The following GLIS3 variants were observed in gnomAD, a reference collection of about 807,000 sequenced individuals.
The protein encoded by GLIS3 is zinc finger protein GLIS3.
GLIS3 carries 53 observed loss-of-function variants against 78.6 expected under a neutral mutation model. The observed-to-expected ratio is 0.67, with a 90% CI of 0.54 to 0.85. GLIS3 has a LOEUF of 0.85. Ranked by LOEUF, GLIS3 falls within the 40% of genes least tolerant of loss-of-function variation. The probability of loss-of-function intolerance (pLI) is 0.00; values close to 1 mark genes in which losing one functional copy is unlikely to be tolerated. For missense variants in GLIS3, 1,703 were observed against 1,231.1 expected, an observed-to-expected ratio of 1.38 and a Z score of -5.74; for synonymous variants, 684 against 509.9, an observed-to-expected ratio of 1.34 and a Z score of -4.60.
At chr9:3,896,119 T>G (rs1230418125) in intron 7 of GLIS3, among the ~76,000 whole-genome samples, 1 of 152,228 alleles carries the variant, frequency 6.6e-6, no homozygotes, top group African/African-American at 2.4e-5. Flanking sequence ...TTTGCACCTT[T>G]GGCATTTTTC....
At chr9:4,230,336 A>C (rs1445567082) in intron 2 of GLIS3, among the ~76,000 whole-genome samples, 1 of 152,200 alleles carries the variant, frequency 6.6e-6, no homozygotes, top group East Asian at 1.9e-4. Flanking sequence ...GCAACAGAGA[A>C]CTGGACTTGC....
At chr9:4,469,004 G>T in the GLIS3 span, among the ~76,000 whole-genome samples, 1 of 152,188 alleles carries the variant, frequency 6.6e-6, no homozygotes, top group East Asian at 1.9e-4. Flanking sequence ...TGATAAAATA[G>T]ACTCTAAACC....
intron 4 of GLIS3, among the ~76,000 whole-genome samples, chr9:4,039,574 T>C (rs1824627369): frequency 6.6e-6 from 1 of 152,196 alleles, no homozygotes; most frequent in Non-Finnish European, 1.5e-5. Context: ...CTCAATTTTC[T>C]AGGCCATAAA....
Position 3,879,088 on chromosome 9 carries a change from C to T in GLIS3, c.2297+339G>A, listed in dbSNP as rs182353079. Among the ~76,000 whole-genome samples the T allele has an allele frequency of 3.9e-5, 6 of 152,186 alleles. No individual in the cohort carries two copies. In the East Asian group the frequency reaches 5.8e-4, roughly 15 times the overall value. On this transcript the variant is annotated intron_variant, in intron 8 of 10. Coordinates refer to ENST00000381971, the MANE Select transcript of GLIS3 (RefSeq NM_001042413.2). Reference sequence around the variant, plus strand: ...ATGTGGCGAGGGCACCATCTGACATCGGGAAGTGCTTCGACCTGCATATAC... The same window carrying T: ...ATGTGGCGAGGGCACCATCTGACATTGGGAAGTGCTTCGACCTGCATATAC...
rs1409627157 is a variant in GLIS3, at chr9:4,161,129, G to T, written c.389-35188C>A. Among the ~76,000 whole-genome samples the T allele has an allele frequency of 4.0e-5, 6 of 150,642 alleles. No homozygotes were observed. In the East Asian group the frequency reaches 9.8e-4, roughly 25 times the overall value. On this transcript the variant is annotated intron_variant, in intron 2 of 10. Transcript: ENST00000381971. ...GAAAGAAAAGAAAAGAAAAAATTTT[G>T]TTAATTATTCAGGCATGTTGGTAGT...
intron 2 of GLIS3, among the ~76,000 whole-genome samples, chr9:4,312,994 A>T (rs770656506): frequency 2.6e-5 from 4 of 152,216 alleles, no homozygotes; most frequent in Non-Finnish European, 5.9e-5. Context: ...ATACACAATG[A>T]CAGTAGCTCC....
chr9:4,270,275 A>G (rs1423236097), intron 2 of GLIS3, among the ~76,000 whole-genome samples: 1 of 152,200 alleles, frequency 6.6e-6, no homozygotes, highest in Non-Finnish European at 1.5e-5. Context: ...ATTTTCTAGT[A>G]TATCTTAAAA....
intron 2 of GLIS3, among the ~76,000 whole-genome samples, chr9:4,236,823 C>G (rs770614547): frequency 2.2e-4 from 33 of 152,210 alleles, no homozygotes; most frequent in Non-Finnish European, 4.3e-4. Flanking sequence ...ACAATGCAAA[C>G]TGGAAAAACA....
intron 4 of GLIS3, among the ~76,000 whole-genome samples, chr9:4,113,325 C>T (rs1307938020): frequency 6.6e-6 from 1 of 152,016 alleles, no homozygotes; most frequent in African/African-American, 2.4e-5. Flanking sequence ...TCCTTGCCAC[C>T]ATATACAAAA....
intron 2 of GLIS3, among the ~76,000 whole-genome samples, chr9:4,263,465 G>A (rs1161046561): frequency 1.3e-5 from 2 of 151,662 alleles, no homozygotes; most frequent in African/African-American, 4.8e-5. Context: ...CCCCTGGCAA[G>A]ACTAAAAGAA....
At chr9:4,370,910 T>C in the GLIS3 span, among the ~76,000 whole-genome samples, 1 of 151,926 alleles carries the variant, frequency 6.6e-6, no homozygotes, top group Non-Finnish European at 1.5e-5. Context: ...GCAAAAGATA[T>C]CATAACGCCT....
Position 3,827,767 on chromosome 9 carries a change from T to A in GLIS3, c.*505A>T, listed in dbSNP as rs1464092151. 5.9e-6 allele frequency: 1 copy of A among 170,802 alleles called. No individual in the cohort carries two copies. Among genetic ancestry groups the A allele is most frequent in the Non-Finnish European group, 1.3e-5 (1 of 77,976 alleles). 10.6% of individuals were successfully genotyped at this position (170,802 alleles called of 1,614,324 possible). The stretch of plus-strand genomic sequence containing the variant: ...AAGAGAAAAGGGAAACCCAGGGAGT[T>A]TCTAAGAGTTGAGACCACACTATGC... On this transcript the variant is annotated 3_prime_UTR_variant, in exon 11 of 11. Transcript: ENST00000381971.
the GLIS3 span, among the ~76,000 whole-genome samples, chr9:4,445,091 G>A: frequency 1.4e-4 from 21 of 152,092 alleles, no homozygotes; most frequent in African/African-American, 7.2e-5. Context: ...TTAGAAAGAC[G>A]GAAATTCAAG....
intron 2 of GLIS3, among the ~76,000 whole-genome samples, chr9:4,150,059 C>G (rs528862399): frequency 6.6e-6 from 1 of 152,194 alleles, no homozygotes; most frequent in East Asian, 1.9e-4. Flanking sequence ...CACACACACA[C>G]AGATGAGCAC....
chr9:4,236,216 G>GAAAC lies in GLIS3; in HGVS notation c.388+49821_388+49822insGTTT, dbSNP rs1303300689. Among the ~76,000 whole-genome samples, 5 of 125,024 alleles carry GAAAC rather than the reference G, an allele frequency of 4.0e-5. No homozygotes were observed. The East Asian group carries it at 1.2e-3, about 31-fold the overall frequency. The allele number at this position is 125,024 out of a possible 152,430, so 82.0% of individuals were successfully genotyped here. ...AAAAAAAAAAAAAAAAAGAAAGAAA[G>GAAAC]AAAGAAAGGAAAAAAAAGAAAAACT... is the stretch of plus-strand genomic sequence containing the variant. On this transcript the variant is annotated intron_variant, in intron 2 of 10. Coordinates refer to ENST00000381971, the MANE Select transcript of GLIS3 (RefSeq NM_001042413.2).
In GLIS3 at chr9:4,190,514, A is replaced by C. The variant is rs1586926545; in HGVS notation, c.389-64573T>G. Among the ~76,000 whole-genome samples the C allele has an allele frequency of 1.5e-5, 2 of 135,214 alleles. 1 individual carries two copies. The highest frequency in any genetic ancestry group is 4.6e-4 in the East Asian group (2 of 4,322). 88.7% of individuals were successfully genotyped at this position (135,214 alleles called of 152,430 possible). On this transcript the variant is annotated intron_variant, in intron 2 of 10. Transcript: ENST00000381971. Reference sequence around the variant, plus strand: ...ATAAAAACAAACGAACAAAACCTCCAAGAAATATGGGACTATGTGAAAAGA... The same window carrying C: ...ATAAAAACAAACGAACAAAACCTCCCAGAAATATGGGACTATGTGAAAAGA...
chr9:3,974,814 C>A (rs1360604604), intron 4 of GLIS3, among the ~76,000 whole-genome samples: 1 of 152,132 alleles, frequency 6.6e-6, no homozygotes, highest in African/African-American at 2.4e-5. Flanking sequence ...GCAGTTCGCT[C>A]AGGCAATTTC....
At chr9:4,305,033 AT>A (rs912692579), upstream of GLIS3, among the ~76,000 whole-genome samples, 4 of 151,804 alleles carry the variant, frequency 2.6e-5, no homozygotes, top group Admixed American at 6.6e-5. Context: ...CATGATCTAC[AT>A]TTTTTTTCAC....
chr9:3,994,766 T>C (rs1007663275), intron 4 of GLIS3, among the ~76,000 whole-genome samples: 1 of 152,152 alleles, frequency 6.6e-6, no homozygotes, highest in Non-Finnish European at 1.5e-5. Flanking sequence ...TCCCCAGCAA[T>C]ATGGCAAATG....
Sources: allele counts gnomAD v4.1 joint callset (sites outside exome capture counted in the v4.1 genomes callset), GRCh38; gene constraint gnomAD v4.1.1; transcripts MANE v1.5; gene names NCBI Gene and HGNC (gene_info 2026-07-23, HGNC 2026-07-21).